Variants in CLEC2B observed in about 807,000 individuals in gnomAD.
The protein encoded by CLEC2B is C-type lectin domain family 2 member B.
Under a neutral mutation model 16.2 loss-of-function variants are expected in CLEC2B, and 14 were observed. The ratio of observed to expected loss-of-function variants is 0.86; its 90% CI spans 0.57 to 1.35. CLEC2B has a LOEUF of 1.35. Among genes scored for constraint, CLEC2B ranks in the 40% most tolerant of loss-of-function variants. CLEC2B has a pLI of 0.00. For synonymous variants in CLEC2B, 42 were observed against 55.8 expected, an observed-to-expected ratio of 0.75 and a Z score of 1.10; for missense variants, 166 against 182.3, an observed-to-expected ratio of 0.91 and a Z score of 0.52.
At position 9,866,214 on chromosome 12, in the gene CLEC2B, TATTA is replaced by T. The variant is rs1252867147; in HGVS notation, c.-3+2987_-3+2990del. Among the ~76,000 whole-genome samples the T allele has an allele frequency of 3.9e-5, 6 of 152,254 alleles. No homozygotes were observed. The East Asian group carries it at 9.6e-4, about 24-fold the overall frequency. On this transcript the variant is annotated intron_variant, in intron 1 of 4. Coordinates refer to ENST00000228438, the MANE Select transcript of CLEC2B (RefSeq NM_005127.3). ...AACCTTATTAATATCATGAATTATTTATTAATTTTCTTTAAACCTCAGGTATCGA... is the reference window on the plus strand; with the variant it reads ...AACCTTATTAATATCATGAATTATTTATTTTCTTTAAACCTCAGGTATCGA...
intron 1 of CLEC2B, among the ~76,000 whole-genome samples, chr12:9,866,200 T>C (rs1328861413): frequency 1.3e-5 from 2 of 152,138 alleles, no homozygotes; most frequent in East Asian, 3.8e-4. Flanking sequence ...ACCTTATTAA[T>C]ATCATGAATT....
chr12:9,858,368 G>T (rs893729629), intron 2 of CLEC2B, among the ~76,000 whole-genome samples: 10 of 151,980 alleles, frequency 6.6e-5, no homozygotes, highest in Non-Finnish European at 1.0e-4. Context: ...ATCACTTCCA[G>T]ATCTTCCCAC....
At position 9,857,546 on chromosome 12, in the gene CLEC2B, ATCTCC is replaced by A. The variant is rs1470568152; in HGVS notation, c.160_164del (p.Gly54LeufsTer5). 1 of 1,611,138 alleles carries A rather than the reference ATCTCC, an allele frequency of 6.2e-7. No individual in the cohort carries two copies. On this transcript the variant is annotated frameshift_variant, in exon 3 of 5. Coordinates refer to ENST00000228438, the MANE Select transcript of CLEC2B (RefSeq NM_005127.3). LOFTEE classifies it high-confidence loss of function. ...AACAGTTGTATTTACTTGAATTCCAATCTCCTTCTTCTTTAGAGAAATAATAGCAT... is the reference window on the plus strand; with the variant it reads ...AACAGTTGTATTTACTTGAATTCCAATTCTTCTTTAGAGAAATAATAGCAT...
At position 9,857,644 on chromosome 12, in the gene CLEC2B, A is replaced by T; in HGVS notation, c.74-7T>A. ...GAATCTCGAGTTAGTTTAACTGGAAATGAGACAAATATATATCTTAAGTAC... is the reference window on the plus strand; with the variant it reads ...GAATCTCGAGTTAGTTTAACTGGAATTGAGACAAATATATATCTTAAGTAC... On this transcript the variant is annotated splice_polypyrimidine_tract_variant and splice_region_variant and intron_variant, in intron 2 of 4. Coordinates refer to ENST00000228438, the MANE Select transcript of CLEC2B (RefSeq NM_005127.3). The T allele has an allele frequency of 6.3e-7, 1 of 1,597,288 alleles. No homozygotes were observed. Among genetic ancestry groups the T allele is most frequent in the Admixed American group, 1.7e-5 (1 of 59,664 alleles).
At chr12:9,854,335 G>A (rs374380742) in intron 4 of CLEC2B, 46 bp downstream of exon 4, 8 of 1,265,016 alleles carry the variant, frequency 6.3e-6, no homozygotes, top group South Asian at 2.4e-5. Flanking sequence ...CCTAGAGAAG[G>A]CTGCACTATC....
At chr12:9,868,780 G>A (rs1043462341) in intron 1 of CLEC2B, among the ~76,000 whole-genome samples, 8 of 151,938 alleles carry the variant, frequency 5.3e-5, no homozygotes, top group Non-Finnish European at 1.0e-4. Context: ...TATTCTTTCC[G>A]TTAAGTACTC....
chr12:9,852,735 C>T lies in CLEC2B; in HGVS notation c.*565G>A. ...CACATACGGTGTGTGATCTCCTCCTCACCTTCACTCTTAAAGCCCCACCCC... is the reference window on the plus strand; with the variant it reads ...CACATACGGTGTGTGATCTCCTCCTTACCTTCACTCTTAAAGCCCCACCCC... On this transcript the variant is annotated 3_prime_UTR_variant, in exon 5 of 5. Coordinates refer to ENST00000228438, the MANE Select transcript of CLEC2B (RefSeq NM_005127.3). Among the ~76,000 whole-genome samples the T allele has an allele frequency of 6.6e-6, 1 of 152,102 alleles. No individual in the cohort carries two copies. Among genetic ancestry groups the T allele is most frequent in the East Asian group, 1.9e-4 (1 of 5,198 alleles).
In CLEC2B at chr12:9,857,523, C is replaced by T; in HGVS notation, c.188G>A (p.Cys63Tyr). The T allele has an allele frequency of 6.2e-7, 1 of 1,611,178 alleles. No homozygotes were observed. The highest frequency in any genetic ancestry group is 8.5e-7 in the Non-Finnish European group (1 of 1,177,886). Residue 63 changes from cysteine to tyrosine, a missense_variant, in exon 3 of 5, where the codon TGT becomes TAT. Transcript: ENST00000228438. ...AGTTAGGTCGGCATGTTGAGTGGAA[C>T]AGTTGTATTTACTTGAATTCCAATC... ...EGDWNSSKYN[C>Y]STQHADLTII...
At position 9,855,475 on chromosome 12, in the gene CLEC2B, G is replaced by C. The variant is rs566581151; in HGVS notation, c.238-991C>G. Reference sequence around the variant, plus strand: ...GTTAGAAAATATTCTACTAGACATGGAAAAGTTATCAGTGTGATCAATACA... The same window carrying C: ...GTTAGAAAATATTCTACTAGACATGCAAAAGTTATCAGTGTGATCAATACA... On this transcript the variant is annotated intron_variant, in intron 3 of 4. Transcript: ENST00000228438. 2.6e-5 allele frequency among the ~76,000 whole-genome samples: 4 copies of C among 152,154 alleles called. No homozygotes were observed. The East Asian group carries it at 7.7e-4, about 29-fold the overall frequency.
At chr12:9,854,513 A>G in intron 3 of CLEC2B, 29 bp from the exon 4 acceptor site, 1 of 1,426,884 alleles carries the variant, frequency 7.0e-7, no homozygotes, top group Non-Finnish European at 9.9e-7. Flanking sequence ...TTTCAAAATC[A>G]TACATGCCAA....
intron 1 of CLEC2B, among the ~76,000 whole-genome samples, chr12:9,867,639 C>T (rs1867981284): frequency 6.6e-6 from 1 of 152,108 alleles, no homozygotes; most frequent in Admixed American, 6.6e-5. Context: ...CACGATGAAG[C>T]TGATATCGAA....
At chr12:9,867,587 A>G (rs778610587) in intron 1 of CLEC2B, among the ~76,000 whole-genome samples, 1 of 152,148 alleles carries the variant, frequency 6.6e-6, no homozygotes, top group African/African-American at 2.4e-5. Flanking sequence ...GAATGTGGTT[A>G]GCATAGCTGC....
intron 3 of CLEC2B, among the ~76,000 whole-genome samples, chr12:9,856,481 T>C (rs1024393569): frequency 6.6e-6 from 1 of 152,068 alleles, no homozygotes; most frequent in Non-Finnish European, 1.5e-5. Context: ...ACTACCTTTT[T>C]TTCTTGCAAA....
intron 1 of CLEC2B, among the ~76,000 whole-genome samples, chr12:9,868,209 AATTG>A (rs1841728216): frequency 6.6e-6 from 1 of 151,334 alleles, no homozygotes; most frequent in Admixed American, 6.6e-5. Context: ...AAATTTATAC[AATTG>A]ATTGAAAGTA....
At chr12:9,861,935 T>C (rs1001450876) in intron 2 of CLEC2B, among the ~76,000 whole-genome samples, 2 of 152,108 alleles carry the variant, frequency 1.3e-5, no homozygotes, top group Non-Finnish European at 2.9e-5. Flanking sequence ...AATTAAGTAG[T>C]TGCAGCAGAG....
chr12:9,861,984 G>T (rs1475754184), intron 2 of CLEC2B, among the ~76,000 whole-genome samples: 4 of 151,702 alleles, frequency 2.6e-5, no homozygotes, highest in Middle Eastern at 3.2e-3. Context: ...TTACTATCTG[G>T]GTCTTTTTAT....
At chr12:9,858,535 A>G (rs1433712936) in intron 2 of CLEC2B, among the ~76,000 whole-genome samples, 1 of 151,998 alleles carries the variant, frequency 6.6e-6, no homozygotes, top group Non-Finnish European at 1.5e-5. Flanking sequence ...TTTCAATATC[A>G]TTCACTTTAA....
intron 1 of CLEC2B, among the ~76,000 whole-genome samples, chr12:9,865,161 C>G (rs1591770540): frequency 1.1e-5 from 1 of 89,196 alleles, no homozygotes; most frequent in African/African-American, 5.0e-5. Flanking sequence ...CCAGCCTGGG[C>G]AATAAAGCAA....
At chr12:9,858,688 G>A (rs1270886953) in intron 2 of CLEC2B, among the ~76,000 whole-genome samples, 2 of 151,378 alleles carry the variant, frequency 1.3e-5, no homozygotes, top group South Asian at 2.1e-4. Context: ...TACACAGTGT[G>A]TATATATATA....
Sources: gnomAD v4.1 joint callset for allele counts (sites outside exome capture counted in the v4.1 genomes callset) on GRCh38, gnomAD v4.1.1 for gene constraint, MANE v1.5 for transcripts, NCBI Gene and HGNC (gene_info 2026-07-23, HGNC 2026-07-21) for gene names.